The following SHOC1 variants were observed in gnomAD, a reference collection of about 807,000 sequenced individuals.
The protein encoded by SHOC1 is shortage in chiasmata 1.
In SHOC1, 136 loss-of-function variants were observed where a neutral mutation model predicts 179.2. The ratio of observed to expected loss-of-function variants is 0.76; its 90% CI spans 0.66 to 0.87. The LOEUF (loss-of-function observed/expected upper bound fraction) is 0.87. SHOC1 is among the 40% of genes least tolerant of loss of function. SHOC1 has a pLI of 0.00. For synonymous variants in SHOC1, 489 were observed against 586.6 expected (o/e 0.83, Z 2.41); for missense variants, 1,538 against 1,700.8 (o/e 0.90, Z 1.68).
intron 12 of SHOC1, among the ~76,000 whole-genome samples, chr9:111,728,750 T>C (rs1833425460): frequency 6.6e-6 from 1 of 152,210 alleles, no homozygotes; most frequent in Admixed American, 6.5e-5. Flanking sequence ...GTGGTGATGA[T>C]TGCACAACTC....
chr9:111,745,626 C>T (rs1259034424), intron 10 of SHOC1, among the ~76,000 whole-genome samples: 4 of 152,160 alleles, frequency 2.6e-5, no homozygotes, highest in Admixed American at 6.5e-5. Context: ...CATCTATAAG[C>T]CAAGGAGGGA....
At position 111,785,983 on chromosome 9, in the gene SHOC1, G is replaced by T. The variant is rs1033341015; in HGVS notation, c.98C>A (p.Ser33Ter). The T allele has an allele frequency of 2.0e-5, 31 of 1,525,524 alleles. No individual in the cohort carries two copies. Among genetic ancestry groups the T allele is most frequent in the Non-Finnish European group, 2.6e-5 (30 of 1,136,434 alleles). The allele number at this position is 1,525,524 out of a possible 1,614,324, so 94.5% of individuals were successfully genotyped here. A position where few individuals can be genotyped will look rare whatever the true frequency, so the allele number is the denominator to read the frequency against. ...YRDALLLRIP[S>*]CLYQDESYHV... ...GTAACTTTCATCTTGATATAAACATGAAGGGATTCGAAGCAATAAAGCATC... is the reference window on the plus strand; with the variant it reads ...GTAACTTTCATCTTGATATAAACATTAAGGGATTCGAAGCAATAAAGCATC... Residue 33 changes from serine (S) to a stop codon, truncating the protein, a stop_gained, in exon 3 of 28, where the codon TCA becomes TAA. Transcript: ENST00000682961. LOFTEE classifies it high-confidence loss of function.
chr9:111,742,764 C>T (rs1834102070), intron 10 of SHOC1, among the ~76,000 whole-genome samples: 1 of 152,228 alleles, frequency 6.6e-6, no homozygotes, highest in African/African-American at 2.4e-5. Flanking sequence ...ATCCAGTTTA[C>T]CCACATAATC....
At position 111,738,423 on chromosome 9, in the gene SHOC1, G is replaced by A. The variant is rs748254702; in HGVS notation, c.1274C>T (p.Ala425Val). ...EESLVINLEK[A>V]EWWKQAGLNL... is the part of the protein sequence containing the mutation. ...TAGTCCTGCTTGTTTCCACCACTCT[G>A]CCTTTTCCAGATTAATCACAAGGCT... The change falls in exon 12 of 28, where the codon GCA becomes GTA. Residue 425 changes from alanine to valine, a missense_variant. By Grantham distance (64) the Ala-to-Val change is moderately conservative. Coordinates refer to ENST00000682961, the MANE Select transcript of SHOC1 (RefSeq NM_001378211.1). 1.2e-6 allele frequency: 2 copies of A among 1,611,478 alleles called. No homozygotes were observed. The highest frequency in any genetic ancestry group is 1.7e-5 in the Admixed American group (1 of 59,596).
chr9:111,735,396 C>T (rs1833771459), intron 12 of SHOC1, among the ~76,000 whole-genome samples: 1 of 152,110 alleles, frequency 6.6e-6, no homozygotes, highest in South Asian at 2.1e-4. Context: ...CATGTGTTCT[C>T]ATTGTTCAAC....
At position 111,789,349 on chromosome 9, in the gene SHOC1, T is replaced by G. The variant is rs147908110; in HGVS notation, c.45+2025A>C. On this transcript the variant is annotated intron_variant, in intron 2 of 27. Transcript: ENST00000682961. ...TAAAAAGTTTTATAACAAAATTTCA[T>G]TTATAGTTATAAATATTACTTTTTG... 4.3e-3 allele frequency among the ~76,000 whole-genome samples: 651 copies of G among 152,316 alleles called. 15 individuals carry two copies. Among genetic ancestry groups the G allele is most frequent in the Admixed American group, 0.034 (527 of 15,298 alleles).
chr9:111,773,932 A>C (rs919513750), intron 5 of SHOC1, among the ~76,000 whole-genome samples: 8 of 152,216 alleles, frequency 5.3e-5, no homozygotes, highest in Admixed American at 2.6e-4. Context: ...CAAATCTGGC[A>C]GCAATCAATA....
At chr9:111,757,963 T>G in intron 7 of SHOC1, 121 bp downstream of exon 7, 1 of 562,076 alleles carries the variant, frequency 1.8e-6, no homozygotes, top group Non-Finnish European at 3.1e-6. Context: ...AATTGATACA[T>G]GTTCATTCCA....
chr9:111,686,889 G>A lies in SHOC1; in HGVS notation c.4427-19C>T, dbSNP rs752241080. 1 of 1,487,910 alleles carries A rather than the reference G, an allele frequency of 6.7e-7. No homozygotes were observed. Among genetic ancestry groups the A allele is most frequent in the Non-Finnish European group, 9.3e-7 (1 of 1,071,816 alleles). 92.2% of individuals were successfully genotyped at this position (1,487,910 alleles called of 1,614,324 possible). Reference sequence around the variant, plus strand: ...ATAAAACCTGTTAAAAGGAGAAAAAGGAAAACCATTTTATTGCTTACAATA... The same window carrying A: ...ATAAAACCTGTTAAAAGGAGAAAAAAGAAAACCATTTTATTGCTTACAATA... On this transcript the variant is annotated intron_variant, in intron 27 of 27. Transcript: ENST00000682961.
intron 24 of SHOC1, among the ~76,000 whole-genome samples, chr9:111,695,962 C>T (rs1831668788): frequency 6.6e-6 from 1 of 152,084 alleles, no homozygotes; most frequent in Non-Finnish European, 1.5e-5. Flanking sequence ...ACAAGCCTGG[C>T]TGGTGAGGAT....
intron 4 of SHOC1, among the ~76,000 whole-genome samples, chr9:111,778,237 C>T (rs1835902728): frequency 6.6e-6 from 1 of 152,212 alleles, no homozygotes; most frequent in South Asian, 2.1e-4. Flanking sequence ...CAGGTTTCTA[C>T]TCTAAATTAT....
intron 18 of SHOC1, among the ~76,000 whole-genome samples, chr9:111,709,296 C>T (rs370774386): frequency 1.4e-4 from 22 of 152,256 alleles, no homozygotes; most frequent in Non-Finnish European, 2.5e-4. Flanking sequence ...AAGCCGAGAT[C>T]GTGCCATTGC....
intron 11 of SHOC1, among the ~76,000 whole-genome samples, chr9:111,741,151 AT>A (rs975344842): frequency 6.6e-6 from 1 of 150,698 alleles, no homozygotes; most frequent in Non-Finnish European, 1.5e-5. Context: ...TTTTATTTTT[AT>A]TTTTTTTTAC....
intron 5 of SHOC1, chr9:111,759,078 A>G (rs1375089483): frequency 1.7e-5 from 24 of 1,440,656 alleles, no homozygotes; most frequent in Non-Finnish European, 2.2e-5. Flanking sequence ...GAATAGCCAA[A>G]TATCCCAAAA....
intron 11 of SHOC1, among the ~76,000 whole-genome samples, chr9:111,741,069 G>A (rs1464051041): frequency 6.6e-6 from 1 of 152,156 alleles, no homozygotes; most frequent in Non-Finnish European, 1.5e-5. Flanking sequence ...TCCGGCCGTT[G>A]TTAAAATGTT....
intron 2 of SHOC1, among the ~76,000 whole-genome samples, chr9:111,790,356 T>A (rs1220913365): frequency 3.3e-5 from 5 of 152,140 alleles, no homozygotes. Context: ...CAGAAAGTGG[T>A]CAATGCATGC....
chr9:111,748,794 CCCTTCCTTCCTTCCTTCCTT>C (rs570258617), intron 8 of SHOC1, among the ~76,000 whole-genome samples: 1 of 111,684 alleles, frequency 9.0e-6, no homozygotes, highest in Non-Finnish European at 1.8e-5. Context: ...TCCCCTCCCC[CCCTTCCTTCCTTCCTTCCTT>C]CCTCCCTCCC....
Position 111,705,261 on chromosome 9 carries a change from C to A in SHOC1, c.2841G>T (p.Gln947His). 6.5e-7 allele frequency: 1 copy of A among 1,536,468 alleles called. No individual in the cohort carries two copies. The highest frequency in any genetic ancestry group is 8.8e-7 in the Non-Finnish European group (1 of 1,135,842). Reference protein sequence around the residue: ...EGLLNTPDILQLLESNYNISL... With the variant: ...EGLLNTPDILHLLESNYNISL... ...CAATAACTTACTTGGATTCTAGCAG[C>A]TGAAGTATGTCTGGAGTATTAAGAA... The change falls in exon 21 of 28, where the codon CAG becomes CAT. Residue 947 changes from glutamine (Q) to histidine (H), a missense_variant. By Grantham distance (24) the Gln-to-His change is conservative. Transcript: ENST00000682961.
At chr9:111,756,846 G>A (rs767121003) in intron 7 of SHOC1, among the ~76,000 whole-genome samples, 2 of 152,146 alleles carry the variant, frequency 1.3e-5, no homozygotes, top group Non-Finnish European at 2.9e-5. Flanking sequence ...TGAGATCATG[G>A]AATGGAATAG....
Sources: gnomAD v4.1 joint callset for allele counts (sites outside exome capture counted in the v4.1 genomes callset) on GRCh38, gnomAD v4.1.1 for gene constraint, MANE v1.5 for transcripts, NCBI Gene and HGNC (gene_info 2026-07-23, HGNC 2026-07-21) for gene names.